Variants in TRIO observed in about 807,000 individuals in gnomAD.
TRIO encodes the protein triple functional domain protein.
In TRIO, 58 loss-of-function variants were observed where a neutral mutation model predicts 351.9. The ratio of observed to expected loss-of-function variants is 0.16; its 90% CI spans 0.13 to 0.21. The LOEUF is 0.21. Ranked by LOEUF, TRIO falls within the 10% of genes least tolerant of loss-of-function variation. The pLI is 1.00. For missense variants in TRIO, 3,201 were observed against 4,027.8 expected (o/e 0.79, Z 5.56); for synonymous variants, 1,758 against 1,595.7 (o/e 1.10, Z -2.42).
chr5:14,238,741 A>T (rs868063101), intron 1 of TRIO, among the ~76,000 whole-genome samples: 1 of 152,170 alleles, frequency 6.6e-6, no homozygotes, highest in Admixed American at 6.5e-5. Flanking sequence ...TTTTAAAGAG[A>T]AAAGTTTGGA....
chr5:14,250,791 AG>A (rs1299324602), intron 1 of TRIO, among the ~76,000 whole-genome samples: 1 of 152,090 alleles, frequency 6.6e-6, no homozygotes, highest in African/African-American at 2.4e-5. Context: ...TGTTTGATTG[AG>A]GGCAGTTTGA....
intron 31 of TRIO, among the ~76,000 whole-genome samples, chr5:14,401,427 T>A (rs1748058492): frequency 3.9e-5 from 6 of 152,136 alleles, no homozygotes. Flanking sequence ...CTTGACCTGT[T>A]TCGAAAGGAA....
chr5:14,427,321 T>C (rs1750728286), intron 34 of TRIO, among the ~76,000 whole-genome samples: 1 of 151,888 alleles, frequency 6.6e-6, no homozygotes, highest in South Asian at 2.1e-4. Context: ...TCCCCTTAGC[T>C]CCTATGTCCC....
intron 1 of TRIO, among the ~76,000 whole-genome samples, chr5:14,147,564 G>A (rs745658213): frequency 6.6e-6 from 1 of 152,200 alleles, no homozygotes; most frequent in Admixed American, 6.5e-5. Flanking sequence ...TAGTTATTCT[G>A]AAGCATCACG....
intron 33 of TRIO, among the ~76,000 whole-genome samples, chr5:14,416,234 GC>G (rs1262948895): frequency 6.6e-6 from 1 of 150,840 alleles, no homozygotes. Context: ...TTCTTAAAAA[GC>G]AGTAACGATT....
chr5:14,441,017 CTCA>C (rs1161697309), intron 34 of TRIO: 12 of 151,970 alleles, frequency 7.9e-5, no homozygotes, highest in Admixed American at 4.6e-4. Context: ...CGCGCGCGCG[CTCA>C]GACGCCAGCG....
chr5:14,238,799 AAG>A (rs1793945633), intron 1 of TRIO, among the ~76,000 whole-genome samples: 1 of 152,188 alleles, frequency 6.6e-6, no homozygotes, highest in Non-Finnish European at 1.5e-5. Context: ...CTTGGTCTTA[AAG>A]AGTGTTGTGC....
chr5:14,308,372 C>A (rs1289318480), intron 8 of TRIO, among the ~76,000 whole-genome samples: 28 of 117,808 alleles, frequency 2.4e-4, no homozygotes, highest in African/African-American at 8.5e-4. Flanking sequence ...ACCCATTCAT[C>A]TGTCCATCCA....
chr5:14,156,635 G>A (rs887224139), intron 1 of TRIO, among the ~76,000 whole-genome samples: 3 of 151,970 alleles, frequency 2.0e-5, no homozygotes, highest in Non-Finnish European at 2.9e-5. Flanking sequence ...TTTATCCTCC[G>A]TATCTTTACT....
intron 1 of TRIO, among the ~76,000 whole-genome samples, chr5:14,254,235 G>T (rs1035194614): frequency 6.6e-6 from 1 of 151,294 alleles, no homozygotes; most frequent in Non-Finnish European, 1.5e-5. Flanking sequence ...CCAGGCTGGA[G>T]TGCGATGGCA....
intron 33 of TRIO, among the ~76,000 whole-genome samples, chr5:14,415,286 G>T (rs934197523): frequency 6.6e-6 from 1 of 152,118 alleles, no homozygotes; most frequent in Admixed American, 6.5e-5. Context: ...TGTTTGCAGC[G>T]AAGACTGACT....
chr5:14,296,562 A>G (rs1442575792), intron 6 of TRIO, among the ~76,000 whole-genome samples: 2 of 152,114 alleles, frequency 1.3e-5, no homozygotes, highest in Non-Finnish European at 2.9e-5. Flanking sequence ...TTTACAGAAT[A>G]TTTTCTGTTG....
chr5:14,490,479 A>T (rs1756404051), intron 48 of TRIO, among the ~76,000 whole-genome samples: 1 of 152,128 alleles, frequency 6.6e-6, no homozygotes, highest in Non-Finnish European at 1.5e-5. Context: ...ATGTGGATCA[A>T]CCCAAACCAT....
chr5:14,233,332 A>AAG (rs1793575217), intron 1 of TRIO, among the ~76,000 whole-genome samples: 1 of 150,662 alleles, frequency 6.6e-6, no homozygotes, highest in Non-Finnish European at 1.5e-5. Context: ...AAAAAAAAAA[A>AAG]AAAAAAAATT....
At chr5:14,257,776 G>C (rs1202913203) in intron 1 of TRIO, among the ~76,000 whole-genome samples, 1 of 152,156 alleles carries the variant, frequency 6.6e-6, no homozygotes, top group Non-Finnish European at 1.5e-5. Flanking sequence ...ACATGTCTCA[G>C]TCTGTTCTTT....
At chr5:14,374,824 G>A (rs903083830) in intron 19 of TRIO, among the ~76,000 whole-genome samples, 2 of 151,994 alleles carry the variant, frequency 1.3e-5, no homozygotes, top group Non-Finnish European at 2.9e-5. Context: ...TCATTTGAGT[G>A]TAAAAACCTG....
intron 1 of TRIO, among the ~76,000 whole-genome samples, chr5:14,229,756 G>A (rs957587343): frequency 2.0e-5 from 3 of 152,096 alleles, no homozygotes; most frequent in Non-Finnish European, 2.9e-5. Flanking sequence ...CTGAAAACAC[G>A]AAAATAGCGC....
At chr5:14,240,366 CAGT>C (rs1200540364) in intron 1 of TRIO, among the ~76,000 whole-genome samples, 1 of 152,106 alleles carries the variant, frequency 6.6e-6, no homozygotes, top group Non-Finnish European at 1.5e-5. Context: ...AGGGGGTTCT[CAGT>C]GGTGAAAAGA....
intron 1 of TRIO, among the ~76,000 whole-genome samples, chr5:14,151,068 G>C (rs1020555271): frequency 6.6e-6 from 1 of 152,194 alleles, no homozygotes; most frequent in Non-Finnish European, 1.5e-5. Flanking sequence ...ATGATCTTCA[G>C]CGCCTCACAG....
Sources: gnomAD v4.1 joint callset for allele counts (sites outside exome capture counted in the v4.1 genomes callset) on GRCh38, gnomAD v4.1.1 for gene constraint, MANE v1.5 for transcripts, NCBI Gene and HGNC (gene_info 2026-07-23, HGNC 2026-07-21) for gene names.